FGF13: variants seen among roughly 807,000 people sequenced by gnomAD.
FGF13 encodes the protein fibroblast growth factor 13.
In FGF13, 2 loss-of-function variants were observed where a neutral mutation model predicts 19.5. The ratio of observed to expected loss-of-function variants is 0.10; its 90% CI spans 0.04 to 0.32. The LOEUF (loss-of-function observed/expected upper bound fraction) is 0.32, where lower values mean the gene tolerates loss of function less well. Ranked by LOEUF, FGF13 falls within the 10% of genes least tolerant of loss-of-function variation. The probability of loss-of-function intolerance (pLI) is 1.00; values close to 1 mark genes in which losing one functional copy is unlikely to be tolerated. For missense variants in FGF13, 113 were observed against 192.7 expected (o/e 0.59, Z 2.45); for synonymous variants, 72 against 76.9 (o/e 0.94, Z 0.33).
At chrX:138,875,850 C>G (rs757493270) in intron 1 of FGF13, among the ~76,000 whole-genome samples, 1 of 111,757 alleles carries the variant, frequency 8.9e-6, no homozygotes, top group Non-Finnish European at 1.9e-5. Context: ...TCAGCTCTCC[C>G]GGTTCTCAGG....
intron 3 of FGF13, 49 bp downstream of exon 3, chrX:138,702,935 T>C (rs771745521): frequency 5.6e-6 from 5 of 900,623 alleles, no homozygotes; most frequent in South Asian, 4.1e-5. Flanking sequence ...TTCTTTCATA[T>C]TGGATGAAAA....
intron 3 of FGF13, among the ~76,000 whole-genome samples, chrX:138,670,532 T>C (rs1042902746): frequency 8.9e-6 from 1 of 111,797 alleles, no homozygotes; most frequent in African/African-American, 3.2e-5. Flanking sequence ...TTTATTGACA[T>C]AGAAATACAT....
chrX:138,678,761 A>G (rs192602789), intron 3 of FGF13, among the ~76,000 whole-genome samples: 1 of 112,203 alleles, frequency 8.9e-6, no homozygotes, highest in Non-Finnish European at 1.9e-5. Context: ...CTACTGAACA[A>G]AGTACCCTCA....
At chrX:138,903,498 T>G (rs891838001) in intron 1 of FGF13, among the ~76,000 whole-genome samples, 1 of 111,703 alleles carries the variant, frequency 9.0e-6, no homozygotes, top group African/African-American at 3.3e-5. Flanking sequence ...GGCTGCATCA[T>G]GATCACTGCT....
intron 1 of FGF13, among the ~76,000 whole-genome samples, chrX:139,145,761 C>T (rs1268548822): frequency 9.0e-6 from 1 of 111,247 alleles, no homozygotes; most frequent in Non-Finnish European, 1.9e-5. Flanking sequence ...AAAAAGCTTT[C>T]CTAGATCCCA....
chrX:138,979,964 T>C (rs1378202343), intron 1 of FGF13, among the ~76,000 whole-genome samples: 1 of 111,871 alleles, frequency 8.9e-6, no homozygotes, highest in Non-Finnish European at 1.9e-5. Flanking sequence ...ACATTTCCCA[T>C]AAACTGAATG....
intron 3 of FGF13, among the ~76,000 whole-genome samples, chrX:138,802,821 C>G (rs772598798): frequency 9.0e-6 from 1 of 111,469 alleles, no homozygotes; most frequent in South Asian, 3.8e-4. Flanking sequence ...TTATGTATTA[C>G]TCACTCCATT....
At chrX:139,134,857 C>T (rs975958964) in intron 1 of FGF13, among the ~76,000 whole-genome samples, 8 of 110,650 alleles carry the variant, frequency 7.2e-5, no homozygotes, top group South Asian at 3.9e-4. Flanking sequence ...CATGTTGTCC[C>T]GGCTGGTCTC....
At chrX:139,083,372 C>T (rs2083383588) in intron 1 of FGF13, among the ~76,000 whole-genome samples, 1 of 111,865 alleles carries the variant, frequency 8.9e-6, no homozygotes, top group African/African-American at 3.3e-5. Flanking sequence ...TAGATAGAAC[C>T]TGGTCTTGAC....
intron 1 of FGF13, among the ~76,000 whole-genome samples, chrX:138,939,870 C>T (rs139050207): frequency 0.012 from 1,374 of 111,678 alleles, 15 homozygotes; most frequent in East Asian, 0.053. Context: ...AATACTGATG[C>T]AATAAACATA....
intron 1 of FGF13, among the ~76,000 whole-genome samples, chrX:138,975,108 A>G (rs2091934645): frequency 8.9e-6 from 1 of 112,957 alleles, no homozygotes; most frequent in South Asian, 3.6e-4. Context: ...AATTGCTTCA[A>G]GCAGCCTTGG....
At chrX:139,059,106 G>T (rs1447582633) in intron 1 of FGF13, among the ~76,000 whole-genome samples, 4 of 111,231 alleles carry the variant, frequency 3.6e-5, no homozygotes, top group Non-Finnish European at 7.5e-5. Flanking sequence ...CATGAAAATT[G>T]TGCTGAATTT....
At chrX:138,762,595 AAGATCT>A (rs2090475601) in intron 3 of FGF13, among the ~76,000 whole-genome samples, 1 of 111,611 alleles carries the variant, frequency 9.0e-6, no homozygotes, top group Non-Finnish European at 1.9e-5. Flanking sequence ...TGTTAGAGTT[AAGATCT>A]TGGTATTGAC....
In FGF13 at chrX:138,623,978, G is replaced by C. The variant is rs2089035112; in HGVS notation, c.*8872C>G. 9.0e-6 allele frequency: 1 copy of C among 111,486 alleles called. No homozygotes were observed. The highest frequency in any genetic ancestry group is 3.3e-5 in the African/African-American group (1 of 30,677). The allele number at this position is 111,486 out of a possible 1,213,427, so 9.2% of individuals were successfully genotyped here. A position where few individuals can be genotyped will look rare whatever the true frequency, so the allele number is the denominator to read the frequency against. The stretch of plus-strand genomic sequence containing the variant: ...CAACAGTATCCTGTGTTCATAGTTT[G>C]GAAGAATTAATTTTGCAAAAATGTT... On this transcript the variant is annotated 3_prime_UTR_variant, in exon 5 of 5. Transcript: ENST00000315930.
intron 1 of FGF13, among the ~76,000 whole-genome samples, chrX:138,967,893 G>A (rs1295686697): frequency 9.0e-6 from 1 of 111,027 alleles, no homozygotes; most frequent in Non-Finnish European, 1.9e-5. Flanking sequence ...CTGCAAGCAG[G>A]AAACTAAAAT....
intron 1 of FGF13, among the ~76,000 whole-genome samples, chrX:138,986,240 G>A: frequency 9.0e-6 from 1 of 111,667 alleles, no homozygotes; most frequent in Non-Finnish European, 1.9e-5. Context: ...TTAATTTTTT[G>A]CCCTATAAGA....
intron 3 of FGF13, among the ~76,000 whole-genome samples, chrX:138,845,009 C>T (rs757355216): frequency 1.3e-4 from 15 of 111,350 alleles, no homozygotes; most frequent in African/African-American, 4.2e-4. Context: ...ACAAACTCAT[C>T]ATAGAACAGT....
intron 3 of FGF13, among the ~76,000 whole-genome samples, chrX:138,781,733 G>C (rs960256102): frequency 9.0e-6 from 1 of 111,675 alleles, no homozygotes; most frequent in African/African-American, 3.3e-5. Flanking sequence ...AGAGGTACAA[G>C]GAGGAAGTGG....
At chrX:139,063,488 T>C (rs779645235) in intron 1 of FGF13, among the ~76,000 whole-genome samples, 1 of 111,938 alleles carries the variant, frequency 8.9e-6, no homozygotes, top group East Asian at 2.8e-4. Context: ...AAGGGACATC[T>C]AGTATTTCAA....
Sources: allele counts gnomAD v4.1 joint callset (sites outside exome capture counted in the v4.1 genomes callset), GRCh38; gene constraint gnomAD v4.1.1; transcripts MANE v1.5; gene names NCBI Gene and HGNC (gene_info 2026-07-23, HGNC 2026-07-21).